EYS: variants seen among roughly 807,000 people sequenced by gnomAD.
EYS encodes EGF-like photoreceptor maintenance factor.
In EYS, 250 loss-of-function variants were observed where a neutral mutation model predicts 282.1. The ratio of observed to expected loss-of-function variants is 0.89; its 90% confidence interval spans 0.80 to 0.98. The LOEUF is 0.98. EYS is among the 50% of genes least tolerant of loss of function. The pLI is 0.00. For synonymous variants in EYS, 1,355 were observed against 1,282.9 expected (o/e 1.06, Z -1.20); for missense variants, 4,016 against 3,709.0 (o/e 1.08, Z -2.15).
chr6:65,090,664 C>G (rs1251827742), intron 12 of EYS, among the ~76,000 whole-genome samples: 1 of 152,060 alleles, frequency 6.6e-6, no homozygotes, highest in East Asian at 1.9e-4. Flanking sequence ...CAGTCTCTAC[C>G]AGTGTGTCAT....
intron 29 of EYS, among the ~76,000 whole-genome samples, chr6:64,332,628 C>G (rs1052537166): frequency 6.6e-6 from 1 of 152,132 alleles, no homozygotes; most frequent in Non-Finnish European, 1.5e-5. Context: ...CCTGACACGG[C>G]TGATCCTGTG....
At chr6:64,300,351 G>T (rs1267995797) in intron 30 of EYS, among the ~76,000 whole-genome samples, 1 of 152,090 alleles carries the variant, frequency 6.6e-6, no homozygotes, top group Non-Finnish European at 1.5e-5. Flanking sequence ...CTAGCTCCGT[G>T]GGCAGCCCAT....
intron 39 of EYS, among the ~76,000 whole-genome samples, chr6:63,779,863 C>T (rs1365390219): frequency 1.3e-5 from 2 of 151,778 alleles, no homozygotes; most frequent in Non-Finnish European, 2.9e-5. Flanking sequence ...TCGTCATTTA[C>T]ATTAGGTATT....
rs577864044 is a variant in EYS at position 65,180,140 on chromosome 6, G to A, written c.2023+115723C>T. Among the ~76,000 whole-genome samples, 932 of 151,972 alleles carry A rather than the reference G, an allele frequency of 6.1e-3. 3 individuals are homozygous for A. Among genetic ancestry groups the A allele is most frequent in the Middle Eastern group, 0.024 (7 of 294 alleles). ...AACTGGAAGCATTCCCTTTGAAAAC[G>A]GGCACAAGACAGGGCTGCCCTCTCT... is the stretch of plus-strand genomic sequence containing the variant. On this transcript the variant is annotated intron_variant, in intron 12 of 42. Transcript: ENST00000503581.
chr6:63,973,153 G>A lies in EYS; in HGVS notation c.7055+11230C>T, dbSNP rs547239792. Among the ~76,000 whole-genome samples, 12 of 152,152 alleles carry A rather than the reference G, an allele frequency of 7.9e-5. No homozygotes were observed. The East Asian group carries it at 2.3e-3, about 29-fold the overall frequency. ...CACACTGTCTTCCATAATGGTTGAA[G>A]TAATTTACACTTCCACCAACAGTGT... On this transcript the variant is annotated intron_variant, in intron 35 of 42. Transcript: ENST00000503581.
At chr6:64,473,599 A>G (rs1776183616) in intron 26 of EYS, among the ~76,000 whole-genome samples, 1 of 152,224 alleles carries the variant, frequency 6.6e-6, no homozygotes, top group South Asian at 2.1e-4. Flanking sequence ...ATTTCAACAA[A>G]AACGGTAAAT....
At chr6:65,440,352 A>C (rs1391688581) in intron 5 of EYS, among the ~76,000 whole-genome samples, 2 of 151,134 alleles carry the variant, frequency 1.3e-5, no homozygotes, top group African/African-American at 4.8e-5. Flanking sequence ...CTTACAATGC[A>C]TGTTAGTTTA....
chr6:64,173,044 G>A (rs1010741404), intron 31 of EYS, among the ~76,000 whole-genome samples: 4 of 152,098 alleles, frequency 2.6e-5, no homozygotes, highest in African/African-American at 7.2e-5. Flanking sequence ...TAGCTATGGT[G>A]AGCAGCAGGG....
intron 34 of EYS, among the ~76,000 whole-genome samples, chr6:63,998,666 C>T (rs1486097730): frequency 6.6e-6 from 1 of 152,042 alleles, no homozygotes; most frequent in Non-Finnish European, 1.5e-5. Context: ...AATTTTCTGG[C>T]CAATGCAAAT....
At chr6:64,192,435 A>G (rs1765143668) in intron 31 of EYS, among the ~76,000 whole-genome samples, 1 of 152,206 alleles carries the variant, frequency 6.6e-6, no homozygotes, top group Non-Finnish European at 1.5e-5. Context: ...AAGCTATACT[A>G]CAAGGCTACA....
At chr6:63,897,417 G>C (rs776311968) in intron 35 of EYS, among the ~76,000 whole-genome samples, 9 of 152,138 alleles carry the variant, frequency 5.9e-5, no homozygotes, top group Non-Finnish European at 1.0e-4. Context: ...TTGTAAGGGA[G>C]AGACAGAGAG....
rs112388321 is a variant in EYS at position 64,085,340 on chromosome 6, G to GCGCGCACACACACACA, written c.6425-3339_6425-3338insTGTGTGTGTGTGCGCG. The stretch of plus-strand genomic sequence containing the variant: ...CGCGCGCGCGTGCGCACGTGCGCGC[G>GCGCGCACACACACACA]CACACACACACACACACACACACAC... On this transcript the variant is annotated intron_variant, in intron 31 of 42. Transcript: ENST00000503581. Among the ~76,000 whole-genome samples the GCGCGCACACACACACA allele has an allele frequency of 9.9e-4, 138 of 139,882 alleles. 1 individual carries two copies. The highest frequency in any genetic ancestry group is 6.8e-3 in the East Asian group (31 of 4,588). 91.8% of individuals were successfully genotyped at this position (139,882 alleles called of 152,430 possible).
intron 2 of EYS, among the ~76,000 whole-genome samples, chr6:65,521,170 C>T (rs538357455): frequency 3.9e-5 from 6 of 152,080 alleles, no homozygotes; most frequent in Admixed American, 3.3e-4. Flanking sequence ...GTAAAACTTT[C>T]ATTTTAGAGA....
At chr6:65,259,460 TGAGA>T (rs1767559944) in intron 12 of EYS, among the ~76,000 whole-genome samples, 1 of 152,102 alleles carries the variant, frequency 6.6e-6, no homozygotes, top group African/African-American at 2.4e-5. Context: ...TATCCTATCC[TGAGA>T]GAGACATTGA....
At chr6:64,126,789 A>G (rs1773800910) in intron 31 of EYS, among the ~76,000 whole-genome samples, 1 of 151,640 alleles carries the variant, frequency 6.6e-6, no homozygotes, top group South Asian at 2.1e-4. Context: ...GCATGTTTAT[A>G]TATTTACATA....
At chr6:64,070,050 A>G (rs1298385226) in intron 32 of EYS, among the ~76,000 whole-genome samples, 1 of 152,104 alleles carries the variant, frequency 6.6e-6, no homozygotes, top group African/African-American at 2.4e-5. Flanking sequence ...CTTTGGCCAA[A>G]GTATAGGAAG....
intron 22 of EYS, among the ~76,000 whole-genome samples, chr6:64,680,746 G>T (rs1769868693): frequency 6.6e-6 from 1 of 152,144 alleles, no homozygotes; most frequent in African/African-American, 2.4e-5. Flanking sequence ...TAGTTTGCTT[G>T]TACTGTGGGG....
intron 15 of EYS, among the ~76,000 whole-genome samples, chr6:64,918,919 G>C (rs1768247329): frequency 6.6e-6 from 1 of 152,108 alleles, no homozygotes; most frequent in Non-Finnish European, 1.5e-5. Flanking sequence ...AAAAATTCAA[G>C]TACCATTCTA....
chr6:64,211,427 T>C (rs1000577928), intron 31 of EYS, among the ~76,000 whole-genome samples: 3 of 152,046 alleles, frequency 2.0e-5, no homozygotes, highest in African/African-American at 7.2e-5. Flanking sequence ...ATACCATCAA[T>C]GGGTAAAATT....
Sources: gnomAD v4.1 joint callset for allele counts (sites outside exome capture counted in the v4.1 genomes callset) on GRCh38, gnomAD v4.1.1 for gene constraint, MANE v1.5 for transcripts, NCBI Gene and HGNC (gene_info 2026-07-23, HGNC 2026-07-21) for gene names.